CPA6: variants seen among roughly 807,000 people sequenced by gnomAD.
CPA6 encodes carboxypeptidase B.
In CPA6, 58 loss-of-function variants were observed where a neutral mutation model predicts 63.3. That is an observed-to-expected ratio of 0.92 (90% CI 0.74 to 1.14). CPA6 has a LOEUF of 1.14. Among genes scored for constraint, CPA6 ranks in the 50% most tolerant of loss-of-function variants. The pLI is 0.00. For synonymous variants in CPA6, 185 were observed against 179.0 expected (o/e 1.03, Z -0.27); for missense variants, 565 against 526.6 (o/e 1.07, Z -0.71).
At chr8:67,668,983 G>A (rs1005275635) in intron 1 of CPA6, among the ~76,000 whole-genome samples, 1 of 152,180 alleles carries the variant, frequency 6.6e-6, no homozygotes, top group African/African-American at 2.4e-5. Flanking sequence ...AGCTGCAGGT[G>A]AGGGAAGTCA....
chr8:67,639,810 A>G (rs1444146632), intron 1 of CPA6, among the ~76,000 whole-genome samples: 5 of 151,578 alleles, frequency 3.3e-5, no homozygotes, highest in Non-Finnish European at 7.3e-5. Context: ...TGAGGTACGC[A>G]GACAAGTGTA....
intron 2 of CPA6, among the ~76,000 whole-genome samples, chr8:67,544,441 T>C (rs1442201889): frequency 6.6e-6 from 1 of 152,164 alleles, no homozygotes. Context: ...AACAGAGCAC[T>C]GAATTAGGAG....
At chr8:67,718,812 A>T (rs184348752) in intron 1 of CPA6, among the ~76,000 whole-genome samples, 6 of 152,098 alleles carry the variant, frequency 3.9e-5, no homozygotes, top group African/African-American at 1.2e-4. Flanking sequence ...ACACCCAGCT[A>T]ATTTTTGTAT....
intron 6 of CPA6, among the ~76,000 whole-genome samples, chr8:67,494,706 A>G (rs1811673572): frequency 1.3e-5 from 2 of 152,226 alleles, no homozygotes; most frequent in Non-Finnish European, 2.9e-5. Context: ...TTACTAGGCG[A>G]TCCTAAATAT....
intron 8 of CPA6, among the ~76,000 whole-genome samples, chr8:67,443,489 T>C (rs1810341470): frequency 6.6e-6 from 1 of 152,122 alleles, no homozygotes; most frequent in Non-Finnish European, 1.5e-5. Context: ...ACTGTGAAGT[T>C]TTTTTTTAAT....
In CPA6 at chr8:67,475,872, TTTCTTTCTCCTTTCTTTC is replaced by T. The variant is rs1563967928; in HGVS notation, c.838+7878_838+7895del. Among the ~76,000 whole-genome samples the T allele has an allele frequency of 1.8e-3, 163 of 90,446 alleles. 2 individuals carry two copies. The highest frequency in any genetic ancestry group is 3.4e-3 in the African/African-American group (76 of 22,468). 59.3% of individuals were successfully genotyped at this position (90,446 alleles called of 152,430 possible). A position where few individuals can be genotyped will look rare whatever the true frequency, so the allele number is the denominator to read the frequency against. On this transcript the variant is annotated intron_variant, in intron 8 of 10. Coordinates refer to ENST00000297770, the MANE Select transcript of CPA6 (RefSeq NM_020361.5). ...CTTTCTTTCTTTCTTTCTTTCTTTC[TTTCTTTCTCCTTTCTTTC>T]TTTCTTTCTTTCTTTCTTTCTTTCT...
intron 1 of CPA6, among the ~76,000 whole-genome samples, chr8:67,682,478 G>A (rs1024862415): frequency 6.6e-6 from 1 of 152,052 alleles, no homozygotes; most frequent in Non-Finnish European, 1.5e-5. Flanking sequence ...TAATGTTCTT[G>A]TCTACTTATT....
At chr8:67,569,790 A>G (rs1459846897) in intron 2 of CPA6, 2 of 203,564 alleles carry the variant, frequency 9.8e-6, no homozygotes, top group Non-Finnish European at 2.0e-5. Flanking sequence ...TTTTAAGGGA[A>G]GCTGAGATTG....
chr8:67,731,949 A>G (rs1817713363), intron 1 of CPA6, among the ~76,000 whole-genome samples: 2 of 152,186 alleles, frequency 1.3e-5, no homozygotes, highest in African/African-American at 4.8e-5. Flanking sequence ...TAAAGCAGCA[A>G]TGACAAAAAG....
At chr8:67,535,998 A>T (rs1812576124) in intron 2 of CPA6, among the ~76,000 whole-genome samples, 1 of 152,192 alleles carries the variant, frequency 6.6e-6, no homozygotes, top group Admixed American at 6.5e-5. Flanking sequence ...TCAGTTTGCC[A>T]AAGATCAGTT....
At chr8:67,668,311 T>A (rs1816274047) in intron 1 of CPA6, among the ~76,000 whole-genome samples, 1 of 152,244 alleles carries the variant, frequency 6.6e-6, no homozygotes, top group Non-Finnish European at 1.5e-5. Flanking sequence ...ACAGTTCATA[T>A]AGTCAGAATA....
At chr8:67,724,053 CTGA>C (rs1817552199) in intron 1 of CPA6, among the ~76,000 whole-genome samples, 1 of 152,110 alleles carries the variant, frequency 6.6e-6, no homozygotes, top group Admixed American at 6.6e-5. Context: ...CTCTCAGAAG[CTGA>C]TAAGAAAATG....
At chr8:67,445,325 G>T (rs995218807) in intron 8 of CPA6, among the ~76,000 whole-genome samples, 6 of 152,174 alleles carry the variant, frequency 3.9e-5, no homozygotes, top group Non-Finnish European at 8.8e-5. Context: ...TTCTAGAAAA[G>T]ATGTGAATGG....
chr8:67,638,386 C>A (rs423321), intron 1 of CPA6, among the ~76,000 whole-genome samples: 46,369 of 150,904 alleles, frequency 0.31, 7,910 homozygotes, highest in African/African-American at 0.4. Flanking sequence ...ATGAAATTCA[C>A]CCTAAAAAAT....
chr8:67,520,457 T>C lies in CPA6; in HGVS notation c.193-2410A>G, dbSNP rs187556115. ...TGCAAAATCAGGAATTCTATTTTGT[T>C]GTGATATTAGGAAAGTAAATGAAAA... On this transcript the variant is annotated intron_variant, in intron 2 of 10. Coordinates refer to ENST00000297770, the MANE Select transcript of CPA6 (RefSeq NM_020361.5). Among the ~76,000 whole-genome samples, 34 of 152,334 alleles carry C rather than the reference T, an allele frequency of 2.2e-4. No individual in the cohort carries two copies. The East Asian group carries it at 6.2e-3, about 28-fold the overall frequency.
intron 2 of CPA6, among the ~76,000 whole-genome samples, chr8:67,573,144 T>G (rs1813529270): frequency 6.6e-6 from 1 of 152,202 alleles, no homozygotes; most frequent in African/African-American, 2.4e-5. Flanking sequence ...AAGCCATATA[T>G]AACAAGCCCA....
chr8:67,515,758 A>G (rs1812131422), intron 3 of CPA6, among the ~76,000 whole-genome samples: 1 of 152,150 alleles, frequency 6.6e-6, no homozygotes, highest in Non-Finnish European at 1.5e-5. Flanking sequence ...ACCAGCCTCA[A>G]AGATATCCAC....
chr8:67,579,119 CAT>C (rs1313032733), intron 2 of CPA6, among the ~76,000 whole-genome samples: 2 of 152,216 alleles, frequency 1.3e-5, no homozygotes, highest in African/African-American at 4.8e-5. Context: ...ACTTAAAAAT[CAT>C]ATGTTTAGGC....
chr8:67,735,916 G>C (rs1277318119), intron 1 of CPA6, among the ~76,000 whole-genome samples: 1 of 151,974 alleles, frequency 6.6e-6, no homozygotes, highest in Admixed American at 6.6e-5. Context: ...CTCCCTCCAG[G>C]GGCACATTGC....
Sources: allele counts gnomAD v4.1 joint callset (sites outside exome capture counted in the v4.1 genomes callset), GRCh38; gene constraint gnomAD v4.1.1; transcripts MANE v1.5; gene names NCBI Gene and HGNC (gene_info 2026-07-23, HGNC 2026-07-21).